The following ERH variants were observed in gnomAD, a reference collection of about 807,000 sequenced individuals.
ERH encodes the protein enhancer of rudimentary homolog.
A neutral mutation model predicts 16.8 loss-of-function variants in ERH; 1 was observed. That is an observed-to-expected ratio of 0.06 (90% CI 0.02 to 0.28). The LOEUF (loss-of-function observed/expected upper bound fraction) is 0.28. Ranked by LOEUF, ERH falls within the 10% of genes least tolerant of loss-of-function variation. The pLI, the probability that ERH is intolerant of heterozygous loss-of-function variation, is 1.00. For missense variants in ERH, 42 were observed against 127.5 expected (o/e 0.33, Z 3.23); for synonymous variants, 43 against 43.6 (o/e 0.99, Z 0.05).
At chr14:69,397,117 CTA>C (rs1408532454) in intron 1 of ERH, among the ~76,000 whole-genome samples, 1 of 152,180 alleles carries the variant, frequency 6.6e-6, no homozygotes, top group East Asian at 1.9e-4. Flanking sequence ...GCAAAGTTTA[CTA>C]TTTTCAGTAC....
intron 3 of ERH, 116 bp from the exon 4 acceptor site, chr14:69,380,756 C>A: frequency 1.7e-6 from 1 of 603,132 alleles, no homozygotes; most frequent in Admixed American, 3.0e-5. Context: ...CAAAAATGAA[C>A]TTAATGAAAA....
intron 2 of ERH, among the ~76,000 whole-genome samples, chr14:69,390,837 A>G (rs2045920213): frequency 1.3e-5 from 2 of 152,270 alleles, no homozygotes; most frequent in African/African-American, 4.8e-5. Context: ...CACTCAATGA[A>G]AAATAGGCAG....
Position 69,398,256 on chromosome 14 carries a change from AGCAGCT to A in ERH, c.-29_-24del, listed in dbSNP as rs1882421467. ...CATCGCGCCAAACTCTCTTCGCTACAGCAGCTGCCGACACCGCCGCCGTTACACGAG... is the reference window on the plus strand; with the variant it reads ...CATCGCGCCAAACTCTCTTCGCTACAGCCGACACCGCCGCCGTTACACGAG... On this transcript the variant is annotated 5_prime_UTR_variant, in exon 1 of 4. Transcript: ENST00000557016. 6.2e-7 allele frequency: 1 copy of A among 1,613,490 alleles called. No homozygotes were observed. The highest frequency in any genetic ancestry group is 1.7e-5 in the Admixed American group (1 of 59,974).
At chr14:69,382,661 G>A (rs537173400) in intron 3 of ERH, among the ~76,000 whole-genome samples, 5 of 147,686 alleles carry the variant, frequency 3.4e-5, no homozygotes, top group Non-Finnish European at 4.5e-5. Flanking sequence ...GTGAAACCCC[G>A]TCTCCACCAA....
chr14:69,388,604 A>G (rs2045906445), intron 2 of ERH, among the ~76,000 whole-genome samples: 1 of 152,058 alleles, frequency 6.6e-6, no homozygotes, highest in Admixed American at 6.6e-5. Flanking sequence ...TCAGGTGATC[A>G]GCGTGCCTCA....
intron 2 of ERH, among the ~76,000 whole-genome samples, chr14:69,390,103 C>G (rs2045915605): frequency 6.6e-6 from 1 of 152,124 alleles, no homozygotes; most frequent in Admixed American, 6.5e-5. Flanking sequence ...GAAAGACATC[C>G]CATGTTCATG....
chr14:69,387,695 C>CAAAAAAAAAAAAA (rs57516317), intron 2 of ERH, among the ~76,000 whole-genome samples: 2 of 113,372 alleles, frequency 1.8e-5, no homozygotes, highest in African/African-American at 3.6e-5. Flanking sequence ...AGCCACAGAG[C>CAAAAAAAAAAAAA]AAAAAAAAAA....
chr14:69,388,001 G>A (rs2045902688), intron 2 of ERH, among the ~76,000 whole-genome samples: 1 of 152,002 alleles, frequency 6.6e-6, no homozygotes, highest in Non-Finnish European at 1.5e-5. Flanking sequence ...AGCCGAGATC[G>A]GCCACTGCAC....
chr14:69,393,104 G>A (rs1394004141), intron 2 of ERH, among the ~76,000 whole-genome samples: 1 of 152,190 alleles, frequency 6.6e-6, no homozygotes, highest in Non-Finnish European at 1.5e-5. Flanking sequence ...ATCACTTGAG[G>A]TCAGGAGTTC....
At chr14:69,382,669 CAA>C (rs540572928) in intron 3 of ERH, among the ~76,000 whole-genome samples, 6 of 139,332 alleles carry the variant, frequency 4.3e-5, no homozygotes, top group Admixed American at 7.4e-5. Flanking sequence ...CCGTCTCCAC[CAA>C]AAAAAAAAAA....
chr14:69,380,317 A>C lies in ERH; in HGVS notation c.*221T>G, dbSNP rs144855321. On this transcript the variant is annotated 3_prime_UTR_variant, in exon 4 of 4. Coordinates refer to ENST00000557016, the MANE Select transcript of ERH (RefSeq NM_004450.3). ...ACAACTTCCATCTAAATCATCATAA[A>C]AATGTTTAAGTAAAAAAAAAAAAAG... 566 of 415,622 alleles carry C rather than the reference A, an allele frequency of 1.4e-3. 4 individuals carry two copies. The highest frequency in any genetic ancestry group is 0.011 in the African/African-American group (536 of 49,016). 25.7% of individuals were successfully genotyped at this position (415,622 alleles called of 1,614,324 possible).
chr14:69,398,089 G>A lies in ERH; in HGVS notation c.3+142C>T, dbSNP rs957936680. On this transcript the variant is annotated intron_variant, in intron 1 of 3. Coordinates refer to ENST00000557016, the MANE Select transcript of ERH (RefSeq NM_004450.3). Reference sequence around the variant, plus strand: ...AGGCCTGGCGTCCCTGCGGCGGGAAGAAGGGTCAATCCACCGACTAGAGTG... The same window carrying A: ...AGGCCTGGCGTCCCTGCGGCGGGAAAAAGGGTCAATCCACCGACTAGAGTG... 1.7e-5 allele frequency: 19 copies of A among 1,087,976 alleles called. No homozygotes were observed. In the African/African-American group the frequency reaches 2.2e-4, roughly 12 times the overall value. The allele number at this position is 1,087,976 out of a possible 1,614,324, so 67.4% of individuals were successfully genotyped here. A position where few individuals can be genotyped will look rare whatever the true frequency, so the allele number is the denominator to read the frequency against.
At chr14:69,380,752 T>C (rs1316457718) in intron 3 of ERH, 112 bp from the exon 4 acceptor site, 1 of 603,204 alleles carries the variant, frequency 1.7e-6, no homozygotes, top group Non-Finnish European at 3.0e-6. Flanking sequence ...TTTCCAAAAA[T>C]GAACTTAATG....
chr14:69,388,100 C>A (rs964958615), intron 2 of ERH, among the ~76,000 whole-genome samples: 54 of 152,246 alleles, frequency 3.5e-4, no homozygotes, highest in Non-Finnish European at 5.1e-4. Flanking sequence ...ACTTTAGTTC[C>A]AACTCTGCCC....
At chr14:69,384,182 T>C (rs983515928) in intron 3 of ERH, among the ~76,000 whole-genome samples, 2 of 152,236 alleles carry the variant, frequency 1.3e-5, no homozygotes, top group Non-Finnish European at 2.9e-5. Flanking sequence ...AAAATTCATA[T>C]CATTCTACTC....
intron 3 of ERH, among the ~76,000 whole-genome samples, chr14:69,383,319 T>G (rs1197441738): frequency 6.6e-6 from 1 of 152,218 alleles, no homozygotes; most frequent in Non-Finnish European, 1.5e-5. Context: ...CCACCTACGC[T>G]GTTTAAAAAG....
intron 1 of ERH, 55 bp downstream of exon 1, chr14:69,398,176 G>T: frequency 6.2e-7 from 1 of 1,610,980 alleles, no homozygotes; most frequent in Non-Finnish European, 8.5e-7. Flanking sequence ...ATGGGGCTGG[G>T]GTCGCTCTGG....
intron 1 of ERH, 121 bp downstream of exon 1, chr14:69,398,110 G>C (rs1478762488): frequency 1.7e-6 from 2 of 1,162,762 alleles, no homozygotes; most frequent in South Asian, 1.5e-5. Flanking sequence ...CCACCGACTA[G>C]AGTGGCGGGG....
chr14:69,382,741 A>G (rs2045870039), intron 3 of ERH, among the ~76,000 whole-genome samples: 1 of 150,666 alleles, frequency 6.6e-6, no homozygotes, highest in South Asian at 2.1e-4. Context: ...CGGGAGGCTG[A>G]GGCAGGAGAA....
Sources: allele counts gnomAD v4.1 joint callset (sites outside exome capture counted in the v4.1 genomes callset), GRCh38; gene constraint gnomAD v4.1.1; transcripts MANE v1.5; gene names NCBI Gene and HGNC (gene_info 2026-07-23, HGNC 2026-07-21).